Variants in SNX8 observed in about 807,000 individuals in gnomAD.
The protein encoded by SNX8 is sorting nexin 8.
Under a neutral mutation model 51.6 loss-of-function variants are expected in SNX8, and 25 were observed. The ratio of observed to expected loss-of-function variants is 0.48; its 90% CI spans 0.35 to 0.68. SNX8 has a LOEUF of 0.68. Ranked by LOEUF, SNX8 falls within the 30% of genes least tolerant of loss-of-function variation. SNX8 has a pLI of 0.00. For synonymous variants in SNX8, 324 were observed against 277.0 expected (o/e 1.17, Z -1.68); for missense variants, 695 against 624.0 (o/e 1.11, Z -1.21).
chr7:2,304,500 C>A (rs948988384), intron 1 of SNX8, among the ~76,000 whole-genome samples: 2 of 151,344 alleles, frequency 1.3e-5, no homozygotes, highest in Admixed American at 1.3e-4. Flanking sequence ...GCGGAGATTG[C>A]CCCACTGTAC....
intron 4 of SNX8, among the ~76,000 whole-genome samples, chr7:2,270,572 T>C (rs1023544501): frequency 6.6e-6 from 1 of 152,008 alleles, no homozygotes; most frequent in Non-Finnish European, 1.5e-5. Flanking sequence ...TGCCCACCTG[T>C]GACCCACTGC....
At chr7:2,334,278 C>T (rs2115238690) in intron 1 of SNX8, among the ~76,000 whole-genome samples, 1 of 152,244 alleles carries the variant, frequency 6.6e-6, no homozygotes, top group South Asian at 2.1e-4. Flanking sequence ...TGGCGGGCAC[C>T]TGTAGTCCCA....
intron 3 of SNX8, among the ~76,000 whole-genome samples, chr7:2,273,259 G>C (rs1795690352): frequency 6.6e-6 from 1 of 151,702 alleles, no homozygotes; most frequent in South Asian, 2.1e-4. Flanking sequence ...ACATCAGCCT[G>C]GCCAGCGTAG....
At chr7:2,329,490 T>G (rs560283077) in intron 1 of SNX8, among the ~76,000 whole-genome samples, 26 of 152,238 alleles carry the variant, frequency 1.7e-4, no homozygotes, top group Admixed American at 3.9e-4. Flanking sequence ...TGGTCCTTGC[T>G]ACAGTGTTTT....
chr7:2,271,758 G>C (rs1434896635), intron 4 of SNX8, 92 bp downstream of exon 4: 2 of 1,442,286 alleles, frequency 1.4e-6, no homozygotes, highest in Admixed American at 2.2e-5. Context: ...GGGACCAGGA[G>C]GATAAGAAAC....
chr7:2,342,047 CAGG>C (rs1337408586), intron 1 of SNX8, among the ~76,000 whole-genome samples: 2 of 148,116 alleles, frequency 1.4e-5, no homozygotes, highest in African/African-American at 5.0e-5. Flanking sequence ...ATCACAAGAT[CAGG>C]AGATTGATCC....
intron 1 of SNX8, among the ~76,000 whole-genome samples, chr7:2,299,082 G>A (rs1796335647): frequency 6.6e-6 from 1 of 151,984 alleles, no homozygotes; most frequent in Non-Finnish European, 1.5e-5. Flanking sequence ...CAGGGTCAGG[G>A]CTCCCCAGAG....
chr7:2,293,834 G>A (rs964682704), intron 1 of SNX8, among the ~76,000 whole-genome samples: 13 of 151,338 alleles, frequency 8.6e-5, no homozygotes, highest in Admixed American at 4.6e-4. Flanking sequence ...GTGGTGGTGC[G>A]TGCCAGTAAT....
In SNX8 at chr7:2,286,959, T is replaced by TG. The variant is rs1562439569; in HGVS notation, c.95-8655dup. Among the ~76,000 whole-genome samples, 3 of 147,606 alleles carry TG rather than the reference T, an allele frequency of 2.0e-5. No individual in the cohort carries two copies. The South Asian group carries it at 6.7e-4, about 33-fold the overall frequency. Reference sequence around the variant, plus strand: ...TTCAAGACCAGCCTGGCCAACATGGTGAAACTCCATCTCTACTAAACATAC... The same window carrying TG: ...TTCAAGACCAGCCTGGCCAACATGGTGGAAACTCCATCTCTACTAAACATAC... On this transcript the variant is annotated intron_variant, in intron 1 of 10. Coordinates refer to ENST00000222990, the MANE Select transcript of SNX8 (RefSeq NM_013321.4).
At chr7:2,265,990 C>A (rs571548918) in intron 5 of SNX8, among the ~76,000 whole-genome samples, 7 of 152,290 alleles carry the variant, frequency 4.6e-5, no homozygotes, top group African/African-American at 1.4e-4. Flanking sequence ...GTGGTGCATG[C>A]CTGTGGTCCC....
intron 1 of SNX8, among the ~76,000 whole-genome samples, chr7:2,351,295 T>G (rs1021233347): frequency 6.6e-6 from 1 of 152,154 alleles, no homozygotes; most frequent in African/African-American, 2.4e-5. Context: ...TGCTGGCTCA[T>G]GCCTGTAGCA....
intron 1 of SNX8, among the ~76,000 whole-genome samples, chr7:2,288,847 T>C (rs1562440508): frequency 6.6e-6 from 1 of 152,078 alleles, no homozygotes; most frequent in Admixed American, 6.6e-5. Flanking sequence ...AATCCTCCCA[T>C]CTCAGCCTCC....
intron 1 of SNX8, among the ~76,000 whole-genome samples, chr7:2,286,981 A>C (rs1351481919): frequency 6.6e-6 from 1 of 151,554 alleles, no homozygotes; most frequent in Non-Finnish European, 1.5e-5. Context: ...TCTACTAAAC[A>C]TACAAAAATT....
chr7:2,264,990 G>A (rs1341617545), intron 5 of SNX8, among the ~76,000 whole-genome samples: 1 of 151,880 alleles, frequency 6.6e-6, no homozygotes, highest in Non-Finnish European at 1.5e-5. Flanking sequence ...AGCTGAGATC[G>A]CGCAACCACA....
At chr7:2,325,427 G>A (rs1194567547) in intron 1 of SNX8, among the ~76,000 whole-genome samples, 1 of 152,138 alleles carries the variant, frequency 6.6e-6, no homozygotes, top group African/African-American at 2.4e-5. Flanking sequence ...TGAGGAACGT[G>A]GTATAGAAAA....
chr7:2,264,027 T>C (rs564088712), intron 6 of SNX8, among the ~76,000 whole-genome samples: 6 of 152,170 alleles, frequency 3.9e-5, no homozygotes, highest in African/African-American at 1.2e-4. Flanking sequence ...GATCTTTTTT[T>C]AAAGTCTCAT....
rs1248680475 is a variant in SNX8, at chr7:2,253,321, A to G, written c.*1735T>C. ...CCTGATGCCCTCCACGACTCCCCAC[A>G]GCCTCTATGGTCCTGCAGCTGGACA... is the stretch of plus-strand genomic sequence containing the variant. On this transcript the variant is annotated 3_prime_UTR_variant, in exon 11 of 11. Coordinates refer to ENST00000222990, the MANE Select transcript of SNX8 (RefSeq NM_013321.4). 6.5e-6 allele frequency: 1 copy of G among 154,224 alleles called. No individual in the cohort carries two copies. The highest frequency in any genetic ancestry group is 1.5e-5 in the Non-Finnish European group (1 of 68,552). 9.6% of individuals were successfully genotyped at this position (154,224 alleles called of 1,614,324 possible). A position where few individuals can be genotyped will look rare whatever the true frequency, so the allele number is the denominator to read the frequency against.
At chr7:2,352,166 C>T (rs1779157079) in intron 1 of SNX8, among the ~76,000 whole-genome samples, 1 of 152,016 alleles carries the variant, frequency 6.6e-6, no homozygotes, top group Non-Finnish European at 1.5e-5. Context: ...CCCACCTTGG[C>T]CTCCCAAAGT....
rs199722179 is a variant in SNX8 at position 2,257,383 on chromosome 7, C to T, written c.1116G>A (p.Leu372=). 8 of 1,608,790 alleles carry T rather than the reference C, an allele frequency of 5.0e-6. No individual in the cohort carries two copies. Among genetic ancestry groups the T allele is most frequent in the Non-Finnish European group, 5.1e-6 (6 of 1,179,512 alleles). ...CACCCACCTCCACAATGCGGGACTC[C>T]AGCTGCTCCACGGACTCCGGCTCGC... ...QNREPESVEQ[L]ESRIVEQENA... is the part of the protein sequence containing the mutation. The change falls in exon 9 of 11, where the codon CTG becomes CTA. Residue 372 remains leucine (L), a synonymous_variant. Coordinates refer to ENST00000222990, the MANE Select transcript of SNX8 (RefSeq NM_013321.4).
Sources: allele counts gnomAD v4.1 joint callset (sites outside exome capture counted in the v4.1 genomes callset), GRCh38; gene constraint gnomAD v4.1.1; transcripts MANE v1.5; gene names NCBI Gene and HGNC (gene_info 2026-07-23, HGNC 2026-07-21).